LRP1B: variants seen among roughly 807,000 people sequenced by gnomAD.
The protein encoded by LRP1B is low-density lipoprotein receptor-related protein 1B.
LRP1B carries 217 observed loss-of-function variants against 556.6 expected under a neutral mutation model. The observed-to-expected ratio is 0.39, with a 90% CI of 0.35 to 0.44. LRP1B has a LOEUF of 0.44. Among genes scored for constraint, LRP1B ranks in the 20% least tolerant of loss-of-function variants. LRP1B has a pLI of 1.00. For missense variants in LRP1B, 5,053 were observed against 5,620.8 expected, an observed-to-expected ratio of 0.90 and a Z score of 3.23; for synonymous variants, 2,047 against 1,865.8, an observed-to-expected ratio of 1.10 and a Z score of -2.50.
chr2:140,513,062 G>A (rs541276335), intron 51 of LRP1B, among the ~76,000 whole-genome samples: 203 of 152,060 alleles, frequency 1.3e-3, no homozygotes, highest in African/African-American at 4.5e-3. Context: ...ACAATACTTC[G>A]ACAAAGAAAG....
At chr2:141,988,861 T>C (rs1702270419) in intron 1 of LRP1B, among the ~76,000 whole-genome samples, 1 of 152,054 alleles carries the variant, frequency 6.6e-6, no homozygotes, top group African/African-American at 2.4e-5. Context: ...CTTTAGAGCA[T>C]TTTCTCATAT....
At chr2:140,857,736 G>C (rs996152530) in intron 27 of LRP1B, among the ~76,000 whole-genome samples, 1 of 152,074 alleles carries the variant, frequency 6.6e-6, no homozygotes, top group Non-Finnish European at 1.5e-5. Flanking sequence ...TCTACAGAGA[G>C]AGTTTTTAAA....
At chr2:140,547,459 C>A (rs539736896) in intron 43 of LRP1B, among the ~76,000 whole-genome samples, 86 of 152,212 alleles carry the variant, frequency 5.7e-4, no homozygotes, top group Admixed American at 1.0e-3. Flanking sequence ...TCATAATATT[C>A]TCTGATGGTT....
chr2:141,233,181 A>G (rs1276722318), intron 5 of LRP1B, among the ~76,000 whole-genome samples: 1 of 152,216 alleles, frequency 6.6e-6, no homozygotes, highest in Non-Finnish European at 1.5e-5. Context: ...ACCTGTGTCA[A>G]CACTTAGTGA....
intron 41 of LRP1B, among the ~76,000 whole-genome samples, chr2:140,666,393 G>A (rs1351052384): frequency 6.6e-6 from 1 of 151,974 alleles, no homozygotes; most frequent in Admixed American, 6.6e-5. Flanking sequence ...GGCTTTTGAT[G>A]AGATGATTGT....
chr2:141,341,149 C>T (rs1208453691), intron 3 of LRP1B, among the ~76,000 whole-genome samples: 3 of 152,118 alleles, frequency 2.0e-5, no homozygotes, highest in Non-Finnish European at 4.4e-5. Flanking sequence ...CTCCCTTGTA[C>T]ATTTTAGGAA....
chr2:141,115,464 T>TTTG (rs1553461960), intron 7 of LRP1B, among the ~76,000 whole-genome samples: 18 of 145,300 alleles, frequency 1.2e-4, no homozygotes, highest in African/African-American at 1.8e-4. Context: ...TTTTGTTTTT[T>TTTG]TTTTTTTTTT....
intron 3 of LRP1B, among the ~76,000 whole-genome samples, chr2:141,477,141 CAAA>C (rs755654151): frequency 1.6e-5 from 1 of 62,966 alleles, no homozygotes; most frequent in South Asian, 5.3e-4. Context: ...AACAAACAAA[CAAA>C]AAAAACCCCA....
Position 140,923,034 on chromosome 2 carries a change from C to T in LRP1B, c.3250G>A (p.Asp1084Asn), listed in dbSNP as rs2105258457. The T allele has an allele frequency of 6.2e-7, 1 of 1,613,196 alleles. No individual in the cohort carries two copies. Among genetic ancestry groups the T allele is most frequent in the Non-Finnish European group, 8.5e-7 (1 of 1,179,372 alleles). Residue 1084 changes from aspartate (D) to asparagine (N), a missense_variant, in exon 21 of 91, where the codon GAT becomes AAT. Asp to Asn is a conservative substitution (Grantham distance 23, BLOSUM62 1). Coordinates refer to ENST00000389484, the MANE Select transcript of LRP1B (RefSeq NM_018557.3). ...DGEKDCEDGS[D>N]EKGCNGTIRL... ...ATGGTACCATTGCAACCTTTTTCAT[C>T]ACTACCATCTTCACAGTCTTTTTCT... is the stretch of plus-strand genomic sequence containing the variant.
chr2:141,514,038 T>C (rs1463782807), intron 2 of LRP1B, among the ~76,000 whole-genome samples: 2 of 152,168 alleles, frequency 1.3e-5, no homozygotes, highest in African/African-American at 4.8e-5. Context: ...CTCTGCCTCC[T>C]CTCAGTTCCT....
At chr2:141,624,473 C>A (rs917711232) in intron 2 of LRP1B, among the ~76,000 whole-genome samples, 1 of 152,054 alleles carries the variant, frequency 6.6e-6, no homozygotes, top group East Asian at 1.9e-4. Context: ...CTAATATATA[C>A]TTTTTAAATA....
In LRP1B at chr2:140,356,495, A is replaced by G. The variant is rs780799336; in HGVS notation, c.11396-19T>C. 4.5e-5 allele frequency: 70 copies of G among 1,543,384 alleles called. 1 individual carries two copies. Among genetic ancestry groups the G allele is most frequent in the Non-Finnish European group, 6.1e-5 (69 of 1,129,502 alleles). ...GTAGGAGCTGGGATTTAAAAATATG[A>G]TCAAAACTAATATAATTCTAATTCC... On this transcript the variant is annotated intron_variant, in intron 74 of 90. Coordinates refer to ENST00000389484, the MANE Select transcript of LRP1B (RefSeq NM_018557.3).
chr2:142,015,957 A>G (rs1351663638), intron 1 of LRP1B, among the ~76,000 whole-genome samples: 2 of 119,426 alleles, frequency 1.7e-5, no homozygotes, highest in Non-Finnish European at 3.2e-5. Context: ...GTGCCACTGC[A>G]CTCCAGCCTG....
chr2:140,298,490 T>C (rs1235759968), intron 83 of LRP1B, among the ~76,000 whole-genome samples: 2 of 152,204 alleles, frequency 1.3e-5, no homozygotes, highest in African/African-American at 4.8e-5. Flanking sequence ...TTAAATTTAG[T>C]AACATTACTC....
intron 3 of LRP1B, among the ~76,000 whole-genome samples, chr2:141,349,711 A>G (rs1688378490): frequency 6.6e-6 from 1 of 152,122 alleles, no homozygotes; most frequent in African/African-American, 2.4e-5. Flanking sequence ...AGTATAAATT[A>G]TATGCATACT....
chr2:141,834,352 CA>C (rs1007567829), intron 1 of LRP1B, among the ~76,000 whole-genome samples: 15 of 151,738 alleles, frequency 9.9e-5, no homozygotes, highest in South Asian at 6.2e-4. Flanking sequence ...CCTTCTCAGC[CA>C]TATAACGAAG....
At chr2:140,376,025 T>TG (rs1683215300) in intron 68 of LRP1B, among the ~76,000 whole-genome samples, 1 of 151,592 alleles carries the variant, frequency 6.6e-6, no homozygotes, top group South Asian at 2.1e-4. Flanking sequence ...AGTTTTTTTT[T>TG]GTTCTAGACT....
chr2:140,590,075 A>C (rs1682154678), intron 43 of LRP1B, among the ~76,000 whole-genome samples: 1 of 152,072 alleles, frequency 6.6e-6, no homozygotes, highest in South Asian at 2.1e-4. Flanking sequence ...GTTATCTCCA[A>C]ATAAAAATGT....
intron 60 of LRP1B, among the ~76,000 whole-genome samples, chr2:140,472,083 C>A (rs1263232723): frequency 1.3e-5 from 2 of 152,198 alleles, no homozygotes; most frequent in Non-Finnish European, 2.9e-5. Context: ...TTCTTACCCA[C>A]AATCTAATTT....
Sources: gnomAD v4.1 joint callset for allele counts (sites outside exome capture counted in the v4.1 genomes callset) on GRCh38, gnomAD v4.1.1 for gene constraint, MANE v1.5 for transcripts, NCBI Gene and HGNC (gene_info 2026-07-23, HGNC 2026-07-21) for gene names.